The following GAS7 variants were observed in gnomAD, a reference collection of about 807,000 sequenced individuals.
The protein encoded by GAS7 is growth arrest-specific protein 7.
A neutral mutation model predicts 71.1 loss-of-function variants in GAS7; 28 were observed. The ratio of observed to expected loss-of-function variants is 0.39; its 90% CI spans 0.29 to 0.54. The LOEUF is 0.54. Among genes scored for constraint, GAS7 ranks in the 20% least tolerant of loss-of-function variants. The pLI is 0.62. For missense variants in GAS7, 436 were observed against 627.8 expected (o/e 0.69, Z 3.27); for synonymous variants, 258 against 245.8 (o/e 1.05, Z -0.46).
intron 1 of GAS7, among the ~76,000 whole-genome samples, chr17:10,109,163 A>G (rs1316214968): frequency 6.6e-6 from 1 of 152,210 alleles, no homozygotes; most frequent in Non-Finnish European, 1.5e-5. Context: ...AATAACCATT[A>G]AAAAGTAGGC....
chr17:10,183,112 C>A (rs960699813), intron 1 of GAS7, among the ~76,000 whole-genome samples: 1 of 151,814 alleles, frequency 6.6e-6, no homozygotes, highest in Non-Finnish European at 1.5e-5. Flanking sequence ...GTAGGACCTA[C>A]GCCCCGAAAA....
intron 1 of GAS7, among the ~76,000 whole-genome samples, chr17:10,153,385 C>T (rs1267827517): frequency 7.9e-5 from 12 of 151,450 alleles, no homozygotes; most frequent in Admixed American, 2.6e-4. Context: ...GGTGTGGTGG[C>T]GGGTGCCTGT....
intron 2 of GAS7, among the ~76,000 whole-genome samples, chr17:10,009,736 G>T (rs1028432869): frequency 2.6e-5 from 4 of 151,018 alleles, no homozygotes; most frequent in Admixed American, 2.6e-4. Context: ...GCCTGGTGTG[G>T]TGACATATGC....
chr17:10,086,436 C>T (rs988140434), intron 1 of GAS7, among the ~76,000 whole-genome samples: 5 of 152,296 alleles, frequency 3.3e-5, no homozygotes, highest in East Asian at 1.9e-4. Flanking sequence ...CATTTTCACC[C>T]GGCATTCCCG....
At chr17:9,972,394 A>G (rs2070006998) in intron 3 of GAS7, among the ~76,000 whole-genome samples, 1 of 152,246 alleles carries the variant, frequency 6.6e-6, no homozygotes, top group Admixed American at 6.5e-5. Flanking sequence ...GAGAGTGGAG[A>G]AATTTTATCA....
rs2067497037 is a variant in GAS7 at position 9,913,553 on chromosome 17, T to C, written c.*3675A>G. Reference sequence around the variant, plus strand: ...AAGAAACCCCTGGTTGGTGAATTCGTTGGTACACTGTTTCGGTGTGCCCAG... The same window carrying C: ...AAGAAACCCCTGGTTGGTGAATTCGCTGGTACACTGTTTCGGTGTGCCCAG... On this transcript the variant is annotated 3_prime_UTR_variant, in exon 14 of 14. Transcript: ENST00000432992. The C allele has an allele frequency of 4.3e-6, 1 of 231,594 alleles. No homozygotes were observed. The highest frequency in any genetic ancestry group is 2.2e-5 in the African/African-American group (1 of 45,208). The allele number at this position is 231,594 out of a possible 1,614,324, so 14.3% of individuals were successfully genotyped here. A position where few individuals can be genotyped will look rare whatever the true frequency, so the allele number is the denominator to read the frequency against.
At chr17:10,110,719 G>A (rs375024977) in intron 1 of GAS7, among the ~76,000 whole-genome samples, 3 of 152,208 alleles carry the variant, frequency 2.0e-5, no homozygotes, top group South Asian at 2.1e-4. Flanking sequence ...TGATCTGCCC[G>A]CCTCAGCCTC....
intron 1 of GAS7, among the ~76,000 whole-genome samples, chr17:10,073,948 T>A (rs1464964630): frequency 6.6e-6 from 1 of 152,238 alleles, no homozygotes; most frequent in African/African-American, 2.4e-5. Context: ...TTTACTTATT[T>A]ATCTGTGCTT....
intron 2 of GAS7, among the ~76,000 whole-genome samples, chr17:9,997,760 G>A (rs916862858): frequency 2.6e-5 from 4 of 152,238 alleles, no homozygotes; most frequent in East Asian, 1.9e-4. Flanking sequence ...CTCCCTCCAC[G>A]GGTTCGATTC....
chr17:9,966,983 C>T (rs908397081), intron 4 of GAS7, among the ~76,000 whole-genome samples: 6 of 152,144 alleles, frequency 3.9e-5, no homozygotes, highest in Non-Finnish European at 8.8e-5. Flanking sequence ...TGGTGAACAA[C>T]GCACGTTCGC....
At position 9,993,709 on chromosome 17, in the gene GAS7, G is replaced by C. The variant is rs562085875; in HGVS notation, c.305-11825C>G. Among the ~76,000 whole-genome samples the C allele has an allele frequency of 9.8e-3, 1,474 of 150,218 alleles. 27 individuals are homozygous for C. Among genetic ancestry groups the C allele is most frequent in the African/African-American group, 0.035 (1,425 of 40,770 alleles). ...ATTAGGCAGGAGAAGGAAATAAAGG[G>C]TATTCAATTAGGAAAAGAGGAAGTC... is the stretch of plus-strand genomic sequence containing the variant. On this transcript the variant is annotated intron_variant, in intron 2 of 13. Transcript: ENST00000432992.
At chr17:10,016,023 C>T (rs1001585035) in intron 2 of GAS7, among the ~76,000 whole-genome samples, 1 of 152,208 alleles carries the variant, frequency 6.6e-6, no homozygotes, top group Non-Finnish European at 1.5e-5. Flanking sequence ...TATCCCAAGA[C>T]TCACTCTGCC....
chr17:10,123,564 C>T (rs1258060182), intron 1 of GAS7, among the ~76,000 whole-genome samples: 1 of 152,208 alleles, frequency 6.6e-6, no homozygotes, highest in African/African-American at 2.4e-5. Context: ...GGTGAAAGCC[C>T]CAAAACTCTG....
At chr17:9,984,715 G>C (rs2070569688) in intron 2 of GAS7, among the ~76,000 whole-genome samples, 1 of 152,342 alleles carries the variant, frequency 6.6e-6, no homozygotes, top group South Asian at 2.1e-4. Flanking sequence ...TGGTACCTAA[G>C]TAGGCTGGGA....
chr17:10,144,545 T>A (rs1244789814), intron 1 of GAS7, among the ~76,000 whole-genome samples: 1 of 152,126 alleles, frequency 6.6e-6, no homozygotes, highest in Admixed American at 6.5e-5. Context: ...GTTAATTTCT[T>A]TTTTTTCTTT....
In GAS7 at chr17:10,094,669, C is replaced by T. The variant is rs113328133; in HGVS notation, c.184-74772G>A. Among the ~76,000 whole-genome samples the T allele has an allele frequency of 2.6e-5, 4 of 152,088 alleles. No homozygotes were observed. In the South Asian group the frequency reaches 6.2e-4, roughly 24 times the overall value. On this transcript the variant is annotated intron_variant, in intron 1 of 13. Transcript: ENST00000432992. Reference sequence around the variant, plus strand: ...ATTTTTAGTAGAGACAGGGTTTCACCGTGTTAGCCAGGATAGTCTCGATCT... The same window carrying T: ...ATTTTTAGTAGAGACAGGGTTTCACTGTGTTAGCCAGGATAGTCTCGATCT...
At chr17:10,035,400 G>A (rs1271461834) in intron 1 of GAS7, among the ~76,000 whole-genome samples, 3 of 152,164 alleles carry the variant, frequency 2.0e-5, no homozygotes, top group Admixed American at 6.5e-5. Flanking sequence ...ACATTTTAAA[G>A]GTTCCCGGGT....
At chr17:10,025,492 T>C (rs1362421643) in intron 1 of GAS7, among the ~76,000 whole-genome samples, 1 of 151,746 alleles carries the variant, frequency 6.6e-6, no homozygotes, top group Non-Finnish European at 1.5e-5. Context: ...TCACGTTCCC[T>C]AGCTGTAGGC....
At chr17:10,141,781 G>A (rs970007038) in intron 1 of GAS7, among the ~76,000 whole-genome samples, 2 of 152,150 alleles carry the variant, frequency 1.3e-5, no homozygotes, top group African/African-American at 4.8e-5. Context: ...ATGCAACACT[G>A]TGGAAAGGGT....
Sources: allele counts gnomAD v4.1 joint callset (sites outside exome capture counted in the v4.1 genomes callset), GRCh38; gene constraint gnomAD v4.1.1; transcripts MANE v1.5; gene names NCBI Gene and HGNC (gene_info 2026-07-23, HGNC 2026-07-21).